The following AKAP6 variants were observed in gnomAD, a reference collection of about 807,000 sequenced individuals.
AKAP6 encodes the protein A-kinase anchor protein 6.
Under a neutral mutation model 188.5 loss-of-function variants are expected in AKAP6, and 58 were observed. That is an observed-to-expected ratio of 0.31 (90% CI 0.25 to 0.38). The LOEUF is 0.38. Ranked by LOEUF, AKAP6 falls within the 10% of genes least tolerant of loss-of-function variation. AKAP6 has a pLI of 1.00. For missense variants in AKAP6, 2,710 were observed against 2,740.0 expected, an observed-to-expected ratio of 0.99 and a Z score of 0.24; for synonymous variants, 989 against 998.6, an observed-to-expected ratio of 0.99 and a Z score of 0.18.
At chr14:32,571,219 T>C (rs1223352434) in intron 4 of AKAP6, among the ~76,000 whole-genome samples, 3 of 152,076 alleles carry the variant, frequency 2.0e-5, no homozygotes, top group Non-Finnish European at 4.4e-5. Flanking sequence ...GCTGACTTTT[T>C]TTTTTTTTAA....
At chr14:32,810,198 A>AT (rs1223816827) in intron 12 of AKAP6, among the ~76,000 whole-genome samples, 2 of 151,480 alleles carry the variant, frequency 1.3e-5, no homozygotes, top group East Asian at 3.9e-4. Context: ...AGTTATTTTG[A>AT]TTATTTTTTG....
chr14:32,811,735 G>T (rs777585877), intron 12 of AKAP6, among the ~76,000 whole-genome samples: 3 of 152,134 alleles, frequency 2.0e-5, no homozygotes, highest in Non-Finnish European at 4.4e-5. Context: ...GAACTGTAAA[G>T]GGCACGGTTC....
chr14:32,737,588 A>G (rs753609279), intron 11 of AKAP6, among the ~76,000 whole-genome samples: 1 of 152,092 alleles, frequency 6.6e-6, no homozygotes, highest in East Asian at 1.9e-4. Context: ...GAACCTTTTT[A>G]CATATGGGAA....
chr14:32,626,090 T>G (rs1390003727), intron 7 of AKAP6, among the ~76,000 whole-genome samples: 1 of 152,122 alleles, frequency 6.6e-6, no homozygotes, highest in Non-Finnish European at 1.5e-5. Flanking sequence ...CTTCTCTCAT[T>G]TTCATACCCA....
intron 5 of AKAP6, among the ~76,000 whole-genome samples, chr14:32,591,816 C>A (rs1566593445): frequency 6.6e-6 from 1 of 152,146 alleles, no homozygotes. Flanking sequence ...AAATCAATGA[C>A]AAATGTAGCC....
intron 11 of AKAP6, among the ~76,000 whole-genome samples, chr14:32,737,341 T>C (rs962619340): frequency 6.6e-6 from 1 of 152,182 alleles, no homozygotes; most frequent in Non-Finnish European, 1.5e-5. Flanking sequence ...AGCTATTTAC[T>C]CTTAGTGTTT....
intron 9 of AKAP6, among the ~76,000 whole-genome samples, chr14:32,725,147 C>G (rs1175653535): frequency 1.3e-5 from 2 of 152,014 alleles, no homozygotes; most frequent in Admixed American, 1.3e-4. Flanking sequence ...GAATTCTAAA[C>G]TTTTCCCCTT....
chr14:32,732,871 G>A, intron 10 of AKAP6: 1 of 595,326 alleles, frequency 1.7e-6, no homozygotes, highest in Non-Finnish European at 3.0e-6. Flanking sequence ...TGTATTATGG[G>A]TATGCACCAA....
chr14:32,651,897 A>C lies in AKAP6; in HGVS notation c.2731-26414A>C, dbSNP rs141582527. ...TGCAATTTCCTTTTGGTCCCCTTACATCTTAGGCCCATTTTTTATTGAGTA... is the reference window on the plus strand; with the variant it reads ...TGCAATTTCCTTTTGGTCCCCTTACCTCTTAGGCCCATTTTTTATTGAGTA... On this transcript the variant is annotated intron_variant, in intron 7 of 13. Coordinates refer to ENST00000280979, the MANE Select transcript of AKAP6 (RefSeq NM_004274.5). 3.3e-3 allele frequency among the ~76,000 whole-genome samples: 499 copies of C among 152,114 alleles called. 1 individual carries two copies. Among genetic ancestry groups the C allele is most frequent in the African/African-American group, 0.011 (453 of 41,508 alleles).
In AKAP6 at chr14:32,809,935, TA is replaced by T. The variant is rs202050875; in HGVS notation, c.3589-11466del. 9.5e-3 allele frequency among the ~76,000 whole-genome samples: 1,449 copies of T among 152,306 alleles called. 96 individuals carry two copies. Among genetic ancestry groups the T allele is most frequent in the Admixed American group, 0.087 (1,328 of 15,288 alleles). On this transcript the variant is annotated intron_variant, in intron 12 of 13. Coordinates refer to ENST00000280979, the MANE Select transcript of AKAP6 (RefSeq NM_004274.5). Reference sequence around the variant, plus strand: ...GTATTTTATTTCCCTGATTGCTCGCTATTTATTAAGAGAAAAAAGCAACCAA... The same window carrying T: ...GTATTTTATTTCCCTGATTGCTCGCTTTTATTAAGAGAAAAAAGCAACCAA...
chr14:32,617,570 A>G (rs938902902), intron 7 of AKAP6, among the ~76,000 whole-genome samples: 2 of 152,188 alleles, frequency 1.3e-5, no homozygotes, highest in Non-Finnish European at 2.9e-5. Context: ...ATGCTTGTTG[A>G]GTGACAAACA....
rs71115094 is a variant in AKAP6 at position 32,745,461 on chromosome 14, T to TTC, written c.3372+9613_3372+9614dup. Reference sequence around the variant, plus strand: ...TTTCTGCCAAACAAATATTTATTCATTCTCTCTCTCTCTCTCTCTCTCTCT... The same window carrying TTC: ...TTTCTGCCAAACAAATATTTATTCATTCTCTCTCTCTCTCTCTCTCTCTCTCT... On this transcript the variant is annotated intron_variant, in intron 11 of 13. Transcript: ENST00000280979. Among the ~76,000 whole-genome samples the TTC allele has an allele frequency of 8.8e-3, 1,243 of 141,396 alleles. 8 individuals are homozygous for TTC. The highest frequency in any genetic ancestry group is 0.012 in the Non-Finnish European group (796 of 64,730). The allele number at this position is 141,396 out of a possible 152,430, so 92.8% of individuals were successfully genotyped here.
At chr14:32,603,839 C>T (rs1027622194) in intron 7 of AKAP6, among the ~76,000 whole-genome samples, 2 of 151,822 alleles carry the variant, frequency 1.3e-5, no homozygotes, top group Non-Finnish European at 2.9e-5. Context: ...CTGGAGGATA[C>T]CTATGATATA....
chr14:32,692,664 G>T (rs1890231035), intron 8 of AKAP6, among the ~76,000 whole-genome samples: 1 of 152,112 alleles, frequency 6.6e-6, no homozygotes, highest in Non-Finnish European at 1.5e-5. Flanking sequence ...CCCACTGAAG[G>T]TTTTTGTTTT....
At position 32,834,145 on chromosome 14, in the gene AKAP6, C is replaced by A. The variant is rs1357506909; in HGVS notation, c.*4340C>A. 6.6e-6 allele frequency: 1 copy of A among 152,266 alleles called. No individual in the cohort carries two copies. The highest frequency in any genetic ancestry group is 1.5e-5 in the Non-Finnish European group (1 of 68,092). 9.4% of individuals were successfully genotyped at this position (152,266 alleles called of 1,614,324 possible). On this transcript the variant is annotated 3_prime_UTR_variant, in exon 14 of 14. Coordinates refer to ENST00000280979, the MANE Select transcript of AKAP6 (RefSeq NM_004274.5). ...TGGTGGCTCACGCCTGTAATCCCAG[C>A]ACTTTGGGAGGCCAAGGCGTGTGGA...
At chr14:32,624,597 G>A (rs1033577224) in intron 7 of AKAP6, among the ~76,000 whole-genome samples, 1 of 152,150 alleles carries the variant, frequency 6.6e-6, no homozygotes, top group East Asian at 1.9e-4. Flanking sequence ...TATTACAGAG[G>A]AGTATGAGAC....
intron 7 of AKAP6, among the ~76,000 whole-genome samples, chr14:32,635,010 G>T (rs1299817862): frequency 6.6e-6 from 1 of 151,936 alleles, no homozygotes; most frequent in African/African-American, 2.4e-5. Context: ...TTAGTTTTCA[G>T]TGTAAACTCA....
At chr14:32,604,148 A>G (rs1478471705) in intron 7 of AKAP6, among the ~76,000 whole-genome samples, 1 of 152,234 alleles carries the variant, frequency 6.6e-6, no homozygotes, top group East Asian at 1.9e-4. Context: ...GCTTACCAAG[A>G]ATAACATTCG....
At chr14:32,423,414 A>G (rs1889919423) in intron 1 of AKAP6, among the ~76,000 whole-genome samples, 1 of 152,042 alleles carries the variant, frequency 6.6e-6, no homozygotes, top group Non-Finnish European at 1.5e-5. Context: ...TCCTGGGCTT[A>G]ATTGATCCCC....
Sources: gnomAD v4.1 joint callset for allele counts (sites outside exome capture counted in the v4.1 genomes callset) on GRCh38, gnomAD v4.1.1 for gene constraint, MANE v1.5 for transcripts, NCBI Gene and HGNC (gene_info 2026-07-23, HGNC 2026-07-21) for gene names.